RUFY3: variants seen among roughly 807,000 people sequenced by gnomAD.
RUFY3 encodes RUN and FYVE domain containing 3, also known as protein RUFY3.
RUFY3 carries 34 observed loss-of-function variants against 84.0 expected under a neutral mutation model. The observed-to-expected ratio is 0.40, with a 90% CI of 0.31 to 0.54. The LOEUF (loss-of-function observed/expected upper bound fraction) is 0.54, where lower values mean the gene tolerates loss of function less well. RUFY3 is among the 20% of genes least tolerant of loss of function. The pLI, the probability that RUFY3 is intolerant of heterozygous loss-of-function variation, is 0.39. For missense variants in RUFY3, 507 were observed against 736.8 expected (o/e 0.69, Z 3.61); for synonymous variants, 242 against 252.9 (o/e 0.96, Z 0.41).
chr4:70,805,704 C>T (rs1490138170), intron 17 of RUFY3, among the ~76,000 whole-genome samples: 2 of 152,188 alleles, frequency 1.3e-5, no homozygotes, highest in African/African-American at 4.8e-5. Flanking sequence ...CTAAGCCATG[C>T]AATATTAGCT....
intron 1 of RUFY3, among the ~76,000 whole-genome samples, chr4:70,741,143 A>T (rs909900702): frequency 6.7e-6 from 1 of 150,288 alleles, no homozygotes; most frequent in Non-Finnish European, 1.5e-5. Flanking sequence ...GGGGAGGGGG[A>T]GTTGGAAAAA....
intron 1 of RUFY3, among the ~76,000 whole-genome samples, chr4:70,715,288 A>T (rs1432925839): frequency 1.3e-5 from 2 of 152,166 alleles, no homozygotes; most frequent in Non-Finnish European, 1.5e-5. Flanking sequence ...TTCATCAAAG[A>T]TACCCTTTCA....
At chr4:70,732,725 G>A (rs1719484258) in intron 1 of RUFY3, among the ~76,000 whole-genome samples, 1 of 151,564 alleles carries the variant, frequency 6.6e-6, no homozygotes, top group East Asian at 1.9e-4. Context: ...CATGGATACA[G>A]GGAAGGGAAC....
chr4:70,783,796 GCTT>G (rs1417587058), intron 9 of RUFY3, among the ~76,000 whole-genome samples: 1 of 152,150 alleles, frequency 6.6e-6, no homozygotes, highest in African/African-American at 2.4e-5. Flanking sequence ...AATTGATAGA[GCTT>G]CTGACACCTA....
At chr4:70,732,634 A>G (rs2148617134) in intron 1 of RUFY3, among the ~76,000 whole-genome samples, 1 of 152,232 alleles carries the variant, frequency 6.6e-6, no homozygotes, top group African/African-American at 2.4e-5. Flanking sequence ...GGAAACCATC[A>G]TTCTGAGCAA....
chr4:70,787,452 T>TCAC (rs1387097287), intron 10 of RUFY3, among the ~76,000 whole-genome samples: 1 of 151,526 alleles, frequency 6.6e-6, no homozygotes, highest in Non-Finnish European at 1.5e-5. Context: ...AGATGGGGTT[T>TCAC]CACCATGTTG....
At chr4:70,726,629 C>T (rs1577962227) in intron 1 of RUFY3, among the ~76,000 whole-genome samples, 1 of 152,356 alleles carries the variant, frequency 6.6e-6, no homozygotes, top group African/African-American at 2.4e-5. Context: ...GCCTCAGCTT[C>T]CCAGAGTGCT....
At chr4:70,757,096 C>A (rs1268522914) in intron 1 of RUFY3, among the ~76,000 whole-genome samples, 2 of 151,362 alleles carry the variant, frequency 1.3e-5, no homozygotes, top group Non-Finnish European at 2.9e-5. Context: ...ATAGGGAGAC[C>A]CTGTCTCTAC....
chr4:70,755,028 C>A (rs1450947856), intron 1 of RUFY3, among the ~76,000 whole-genome samples: 2 of 151,976 alleles, frequency 1.3e-5, no homozygotes, highest in South Asian at 2.1e-4. Context: ...CTCAGTCTCC[C>A]TAGTAGCTGG....
chr4:70,773,867 A>G (rs1341232165), intron 6 of RUFY3, among the ~76,000 whole-genome samples: 5 of 152,186 alleles, frequency 3.3e-5, no homozygotes, highest in Non-Finnish European at 5.9e-5. Flanking sequence ...GGGTTTAAAA[A>G]CATGGTCATT....
At chr4:70,773,411 A>C (rs1727315808) in intron 5 of RUFY3, 100 bp from the exon 6 acceptor site, 1 of 736,594 alleles carries the variant, frequency 1.4e-6, no homozygotes, top group East Asian at 2.7e-5. Context: ...AGTAAGTGTC[A>C]TGACTGTATT....
At chr4:70,733,095 GGAGAGAGAGA>G (rs1203024723) in intron 1 of RUFY3, among the ~76,000 whole-genome samples, 11 of 61,734 alleles carry the variant, frequency 1.8e-4, no homozygotes, top group African/African-American at 8.3e-4. Flanking sequence ...GAGAGAGAGA[GGAGAGAGAGA>G]GAGAGAGAGA....
chr4:70,804,949 CAA>C (rs1222525355), intron 17 of RUFY3, among the ~76,000 whole-genome samples: 3 of 151,842 alleles, frequency 2.0e-5, no homozygotes, highest in Non-Finnish European at 4.4e-5. Context: ...AATAAACAAA[CAA>C]AAATAATTAT....
chr4:70,720,199 G>A (rs569002729), upstream of RUFY3, among the ~76,000 whole-genome samples: 3 of 151,954 alleles, frequency 2.0e-5, no homozygotes, highest in Non-Finnish European at 4.4e-5. Flanking sequence ...CCACATGTGC[G>A]CGCAACCATA....
intron 4 of RUFY3, among the ~76,000 whole-genome samples, chr4:70,765,758 CTTTTTT>C (rs371482787): frequency 7.1e-6 from 1 of 139,888 alleles, no homozygotes; most frequent in African/African-American, 2.6e-5. Context: ...TTGTTAATAT[CTTTTTT>C]TTTTTTTTTT....
chr4:70,718,610 A>G (rs1441584645), upstream of RUFY3, among the ~76,000 whole-genome samples: 2 of 152,226 alleles, frequency 1.3e-5, no homozygotes, highest in East Asian at 1.9e-4. Flanking sequence ...TGTATGTGAG[A>G]AAAAAAATCA....
rs767730751 is a variant in RUFY3 at position 70,784,802 on chromosome 4, A to G, written c.994A>G (p.Lys332Glu). 3 of 1,601,102 alleles carry G rather than the reference A, an allele frequency of 1.9e-6. No homozygotes were observed. The highest frequency in any genetic ancestry group is 2.3e-5 in the South Asian group (2 of 88,436). The change falls in exon 10 of 18, where the codon AAG (lysine) becomes GAG (glutamate). Residue 332 changes from lysine (K) to glutamate (E), a missense_variant. Coordinates refer to ENST00000381006, the MANE Select transcript of RUFY3 (RefSeq NM_001037442.4). Reference sequence around the variant, plus strand: ...TGTTATTTATCTTTTCAAGGGTCCCAAGCAAGACAGAACTGCAGAAGGGCA... The same window carrying G: ...TGTTATTTATCTTTTCAAGGGTCCCGAGCAAGACAGAACTGCAGAAGGGCA... ...YILESNRKGPKQDRTAEGQAL... is the reference protein window; with the variant it reads ...YILESNRKGPEQDRTAEGQAL...
At chr4:70,791,333 C>T (rs955785519) in intron 12 of RUFY3, 1 of 1,609,620 alleles carries the variant, frequency 6.2e-7, no homozygotes, top group Non-Finnish European at 8.5e-7. Flanking sequence ...AGTCCGATAT[C>T]ACAACTTAAT....
rs961617856 is a variant in RUFY3, at chr4:70,792,592, T to G, written c.1338-1193T>G. On this transcript the variant is annotated intron_variant, in intron 12 of 17. Coordinates refer to ENST00000381006, the MANE Select transcript of RUFY3 (RefSeq NM_001037442.4). ...AAAAGGTCCTGACAAAATACTTGGG[T>G]TTTTTTCTCTTTTTTTCATTCTGGT... 1.8e-5 allele frequency: 18 copies of G among 985,250 alleles called. No individual in the cohort carries two copies. The Admixed American group carries it at 5.5e-4, about 30-fold the overall frequency. The allele number at this position is 985,250 out of a possible 1,614,324, so 61.0% of individuals were successfully genotyped here. A position where few individuals can be genotyped will look rare whatever the true frequency, so the allele number is the denominator to read the frequency against.
Sources: allele counts gnomAD v4.1 joint callset (sites outside exome capture counted in the v4.1 genomes callset), GRCh38; gene constraint gnomAD v4.1.1; transcripts MANE v1.5; gene names NCBI Gene and HGNC (gene_info 2026-07-23, HGNC 2026-07-21).